The following BLTP1 variants were observed in gnomAD, a reference collection of about 807,000 sequenced individuals.
The protein encoded by BLTP1 is fragile site-associated protein.
chr4:122,298,904 G>A, the BLTP1 span: 13 of 985,230 alleles, frequency 1.3e-5, no homozygotes, highest in African/African-American at 3.5e-5. Flanking sequence ...GTGGGAGTAT[G>A]AGGAAAATTA....
chr4:122,193,019 CCTT>C, the BLTP1 span, among the ~76,000 whole-genome samples: 1 of 152,146 alleles, frequency 6.6e-6, no homozygotes, highest in Non-Finnish European at 1.5e-5. Context: ...AGGCCTCTCT[CCTT>C]GACTTGTAGA....
the BLTP1 span, chr4:122,270,869 A>G: frequency 9.2e-7 from 1 of 1,081,974 alleles, no homozygotes; most frequent in South Asian, 1.8e-5. Context: ...TGGCCTAGTG[A>G]AAAAGCATAT....
chr4:122,245,300 AACT>A, the BLTP1 span, among the ~76,000 whole-genome samples: 1 of 152,216 alleles, frequency 6.6e-6, no homozygotes, highest in Non-Finnish European at 1.5e-5. Flanking sequence ...TAGGACATAT[AACT>A]GTACTATAGA....
chr4:122,325,056 A>G, the BLTP1 span: 2 of 250,834 alleles, frequency 8.0e-6, no homozygotes, highest in Admixed American at 1.3e-4. Flanking sequence ...ATCTTGAGTT[A>G]ACCAAAACAT....
chr4:122,186,786 T>C, the BLTP1 span, among the ~76,000 whole-genome samples: 1 of 152,084 alleles, frequency 6.6e-6, no homozygotes, highest in African/African-American at 2.4e-5. Flanking sequence ...GCCCACTGCC[T>C]GTTTTGTATA....
chr4:122,291,059 T>C, the BLTP1 span: 1 of 211,360 alleles, frequency 4.7e-6, no homozygotes, highest in Non-Finnish European at 8.2e-6. Context: ...ACCTTTAGAT[T>C]GTAGTCAGGA....
the BLTP1 span, among the ~76,000 whole-genome samples, chr4:122,222,579 T>C: frequency 2.0e-5 from 3 of 152,184 alleles, no homozygotes; most frequent in Non-Finnish European, 2.9e-5. Context: ...GTCTGAGCTG[T>C]AGGGGAAGAT....
the BLTP1 span, among the ~76,000 whole-genome samples, chr4:122,260,476 A>G: frequency 6.6e-6 from 1 of 152,224 alleles, no homozygotes; most frequent in Admixed American, 6.5e-5. Context: ...ATACATATAC[A>G]CATACAAAAA....
chr4:122,348,725 A>C, the BLTP1 span: 1 of 1,539,624 alleles, frequency 6.5e-7, no homozygotes, highest in South Asian at 1.2e-5. Flanking sequence ...AACGTAAGCT[A>C]TTCAGATACA....
chr4:122,346,702 G>T, the BLTP1 span: 1 of 1,613,334 alleles, frequency 6.2e-7, no homozygotes, highest in Non-Finnish European at 8.5e-7. Context: ...CAAGAGCATG[G>T]TATAGAAGAA....
At chr4:122,289,756 TAAGCCAC>T in the BLTP1 span, 1 of 974,134 alleles carries the variant, frequency 1.0e-6, no homozygotes, top group Non-Finnish European at 1.2e-6. Context: ...AAAGAATTTT[TAAGCCAC>T]ATCCATAAAT....
the BLTP1 span, chr4:122,336,720 G>C: frequency 1.2e-5 from 11 of 886,448 alleles, no homozygotes; most frequent in Non-Finnish European, 1.5e-5. Flanking sequence ...GAATGAGCAA[G>C]AGGTGCGAAC....
the BLTP1 span, chr4:122,333,866 T>A: frequency 6.4e-7 from 1 of 1,556,246 alleles, no homozygotes; most frequent in Non-Finnish European, 8.6e-7. Flanking sequence ...ATGTTTATTT[T>A]CTATCATATA....
chr4:122,274,712 T>C, the BLTP1 span: 295 of 801,550 alleles, frequency 3.7e-4, 1 homozygote, highest in Admixed American at 8.1e-4. Flanking sequence ...GGTCAGATTT[T>C]CAGAATTTGC....
At chr4:122,187,708 G>A in the BLTP1 span, 2 of 459,664 alleles carry the variant, frequency 4.4e-6, no homozygotes, top group Non-Finnish European at 5.7e-6. Context: ...ATTTCTTTAA[G>A]TACTTAAATT....
the BLTP1 span, chr4:122,210,017 A>G: frequency 2.7e-6 from 4 of 1,475,076 alleles, no homozygotes; most frequent in African/African-American, 2.8e-5. Flanking sequence ...AAATGCATCT[A>G]TTCTTGTGAC....
At chr4:122,313,916 A>G in the BLTP1 span, 4 of 322,834 alleles carry the variant, frequency 1.2e-5, no homozygotes, top group Non-Finnish European at 1.8e-5. Flanking sequence ...TGTTTTAGAA[A>G]AGATTAAAAT....
the BLTP1 span, chr4:122,169,658 T>G: frequency 2.1e-6 from 2 of 964,008 alleles, no homozygotes; most frequent in Admixed American, 1.2e-4. Context: ...CATCCTACTG[T>G]GTGTGCATAT....
chr4:122,307,839 G>T, the BLTP1 span: 1 of 1,510,434 alleles, frequency 6.6e-7, no homozygotes, highest in Non-Finnish European at 8.8e-7. Flanking sequence ...AGTTTTCTGG[G>T]TGTAATTTTT....
Sources: gnomAD v4.1 joint callset for allele counts (sites outside exome capture counted in the v4.1 genomes callset) on GRCh38, gnomAD v4.1.1 for gene constraint, MANE v1.5 for transcripts, NCBI Gene and HGNC (gene_info 2026-07-23, HGNC 2026-07-21) for gene names.